Variants in PACRG observed in about 807,000 individuals in gnomAD.
The protein encoded by PACRG is parkin coregulated.
PACRG carries 29 observed loss-of-function variants against 29.7 expected under a neutral mutation model. The observed-to-expected ratio is 0.98, with a 90% CI of 0.73 to 1.33. The LOEUF (loss-of-function observed/expected upper bound fraction) is 1.33. Among genes scored for constraint, PACRG ranks in the 40% most tolerant of loss-of-function variants. The probability of loss-of-function intolerance (pLI) is 0.00; values close to 1 mark genes in which losing one functional copy is unlikely to be tolerated. For synonymous variants in PACRG, 116 were observed against 118.7 expected, an observed-to-expected ratio of 0.98 and a Z score of 0.15; for missense variants, 279 against 316.2, an observed-to-expected ratio of 0.88 and a Z score of 0.89.
chr6:163,268,349 C>A (rs1457772270), intron 4 of PACRG, among the ~76,000 whole-genome samples: 1 of 149,966 alleles, frequency 6.7e-6, no homozygotes, highest in African/African-American at 2.4e-5. Context: ...TTGCAGTGAG[C>A]CAAGAATGCA....
At chr6:163,063,433 T>C (rs529135364) in intron 3 of PACRG, among the ~76,000 whole-genome samples, 2 of 152,290 alleles carry the variant, frequency 1.3e-5, no homozygotes, top group South Asian at 4.2e-4. Flanking sequence ...CCACCCTCAC[T>C]GGCTCAGGTG....
chr6:162,805,692 G>A (rs1393955406), intron 1 of PACRG, among the ~76,000 whole-genome samples: 1 of 152,072 alleles, frequency 6.6e-6, no homozygotes, highest in Non-Finnish European at 1.5e-5. Flanking sequence ...TGCTGTCATT[G>A]TCCTTTTTTA....
intron 2 of PACRG, among the ~76,000 whole-genome samples, chr6:162,819,727 C>T (rs1361786138): frequency 6.6e-6 from 1 of 152,178 alleles, no homozygotes; most frequent in South Asian, 2.1e-4. Flanking sequence ...AGTTTTATTT[C>T]TCTTGCTTCG....
At chr6:162,947,873 C>A (rs1375282690) in intron 2 of PACRG, among the ~76,000 whole-genome samples, 1 of 150,986 alleles carries the variant, frequency 6.6e-6, no homozygotes, top group Non-Finnish European at 1.5e-5. Flanking sequence ...ACAAAGAAAA[C>A]TACATAACAC....
chr6:162,929,458 C>T (rs1797689292), intron 2 of PACRG, among the ~76,000 whole-genome samples: 1 of 151,664 alleles, frequency 6.6e-6, no homozygotes, highest in African/African-American at 2.4e-5. Flanking sequence ...GAGTTGAGTC[C>T]CTTATAATTC....
chr6:162,928,614 A>G (rs960215824), intron 2 of PACRG, among the ~76,000 whole-genome samples: 2 of 152,052 alleles, frequency 1.3e-5, no homozygotes, highest in Non-Finnish European at 2.9e-5. Flanking sequence ...TTTATGCTAG[A>G]AAGATTTGAA....
At chr6:162,727,696 C>A (rs767676008), upstream of PACRG, 57 of 1,567,328 alleles carry the variant, frequency 3.6e-5, no homozygotes, top group South Asian at 5.7e-4. Context: ...CGGCTGCGGG[C>A]CAGGAACAGG....
chr6:162,917,848 GA>G (rs982664356), intron 2 of PACRG, among the ~76,000 whole-genome samples: 6 of 152,056 alleles, frequency 3.9e-5, no homozygotes, highest in Non-Finnish European at 7.4e-5. Context: ...GAAAAATAAG[GA>G]AAAACTGAAA....
intron 4 of PACRG, among the ~76,000 whole-genome samples, chr6:163,120,356 A>G (rs1462619801): frequency 6.6e-6 from 1 of 152,148 alleles, no homozygotes; most frequent in Non-Finnish European, 1.5e-5. Context: ...AGTGGGCAAC[A>G]TGGTCATGGT....
rs1787147477 is a variant in PACRG at position 162,814,375 on chromosome 6, G to A, written c.291+94G>A. On this transcript the variant is annotated intron_variant, in intron 2 of 4. Coordinates refer to ENST00000366888, the MANE Select transcript of PACRG (RefSeq NM_001080379.2). ...CTTGGCTGCTTAAGTAAATAAACTG[G>A]AGTCATTTCTCAGCACATGGAAGAT... 2.7e-6 allele frequency: 4 copies of A among 1,482,840 alleles called. No homozygotes were observed. The Admixed American group carries it at 7.8e-5, about 29-fold the overall frequency. 91.9% of individuals were successfully genotyped at this position (1,482,840 alleles called of 1,614,324 possible).
At chr6:163,166,156 A>G (rs748329522) in intron 4 of PACRG, 1 of 456,244 alleles carries the variant, frequency 2.2e-6, no homozygotes, top group South Asian at 1.5e-5. Context: ...CGCCCGGCAC[A>G]TGTGAAAGGG....
intron 2 of PACRG, among the ~76,000 whole-genome samples, chr6:162,949,709 G>T (rs965000601): frequency 3.3e-5 from 5 of 152,196 alleles, no homozygotes; most frequent in African/African-American, 1.2e-4. Flanking sequence ...AAAATAGAGT[G>T]AGGGCAGAAA....
chr6:163,018,169 T>G (rs1235864895), intron 2 of PACRG, among the ~76,000 whole-genome samples: 1 of 152,190 alleles, frequency 6.6e-6, no homozygotes, highest in Non-Finnish European at 1.5e-5. Context: ...TACTTTTATT[T>G]AGTAGGCATA....
intron 2 of PACRG, among the ~76,000 whole-genome samples, chr6:162,913,650 CCTGTTATATCACTT>C (rs1562726738): frequency 6.6e-6 from 1 of 152,110 alleles, no homozygotes; most frequent in African/African-American, 2.4e-5. Context: ...AATTTCCAAG[CCTGTTATATCACTT>C]TATATTTCCA....
chr6:163,245,950 C>G (rs1452563532), intron 4 of PACRG, among the ~76,000 whole-genome samples: 2 of 152,142 alleles, frequency 1.3e-5, no homozygotes, highest in African/African-American at 4.8e-5. Context: ...AAGCACTGCT[C>G]TACTCCATGG....
At chr6:162,847,827 T>C (rs564673817) in intron 2 of PACRG, among the ~76,000 whole-genome samples, 1 of 152,248 alleles carries the variant, frequency 6.6e-6, no homozygotes, top group African/African-American at 2.4e-5. Context: ...GAAAGAAACC[T>C]GACCATCAAG....
intron 4 of PACRG, among the ~76,000 whole-genome samples, chr6:163,153,826 A>G (rs1778202191): frequency 6.6e-6 from 1 of 152,220 alleles, no homozygotes; most frequent in Admixed American, 6.5e-5. Flanking sequence ...ACATGTCAAT[A>G]CTATCGCTAT....
At position 162,968,586 on chromosome 6, in the gene PACRG, G is replaced by A. The variant is rs148094624; in HGVS notation, c.292-93564G>A. ...GAGTTAACTTCCTGCTTTCTTGGAC[G>A]TGTCAAAATTACTGATGTTCCAGCG... is the stretch of plus-strand genomic sequence containing the variant. On this transcript the variant is annotated intron_variant, in intron 2 of 4. Coordinates refer to ENST00000366888, the MANE Select transcript of PACRG (RefSeq NM_001080379.2). Among the ~76,000 whole-genome samples, 12 of 152,294 alleles carry A rather than the reference G, an allele frequency of 7.9e-5. No individual in the cohort carries two copies. The East Asian group carries it at 2.1e-3, about 27-fold the overall frequency.
chr6:162,867,381 C>G (rs1792385318), intron 2 of PACRG, among the ~76,000 whole-genome samples: 1 of 152,160 alleles, frequency 6.6e-6, no homozygotes. Context: ...CCCTCCACAT[C>G]TCTGGTAACA....
Sources: allele counts gnomAD v4.1 joint callset (sites outside exome capture counted in the v4.1 genomes callset), GRCh38; gene constraint gnomAD v4.1.1; transcripts MANE v1.5; gene names NCBI Gene and HGNC (gene_info 2026-07-23, HGNC 2026-07-21).